The following ZYG11A variants were observed in gnomAD, a reference collection of about 807,000 sequenced individuals.
ZYG11A encodes protein zyg-11 homolog A.
In ZYG11A, 62 loss-of-function variants were observed where a neutral mutation model predicts 77.2. That is an observed-to-expected ratio of 0.80 (90% confidence interval 0.65 to 0.99). The LOEUF (loss-of-function observed/expected upper bound fraction) is 0.99. ZYG11A is among the 50% of genes least tolerant of loss of function. The pLI is 0.00. For missense variants in ZYG11A, 828 were observed against 896.8 expected, an observed-to-expected ratio of 0.92 and a Z score of 0.98; for synonymous variants, 315 against 324.6, an observed-to-expected ratio of 0.97 and a Z score of 0.32.
At chr1:52,887,257 A>C (rs1646468677) in intron 13 of ZYG11A, among the ~76,000 whole-genome samples, 1 of 152,188 alleles carries the variant, frequency 6.6e-6, no homozygotes, top group Non-Finnish European at 1.5e-5. Flanking sequence ...TAGCAAGCAA[A>C]ATAAAAAGTA....
chr1:52,856,680 G>C (rs943731189), intron 2 of ZYG11A, among the ~76,000 whole-genome samples: 3 of 150,282 alleles, frequency 2.0e-5, no homozygotes, highest in Non-Finnish European at 4.4e-5. Context: ...GGTTACTGTA[G>C]ATAAAATTTT....
At chr1:52,843,688 C>CTTTTTTTTTTTT (rs71044427) in intron 1 of ZYG11A, among the ~76,000 whole-genome samples, 1 of 130,516 alleles carries the variant, frequency 7.7e-6, no homozygotes, top group African/African-American at 3.0e-5. Flanking sequence ...TTCTTTCTTT[C>CTTTTTTTTTTTT]TTTTTTTTTT....
At chr1:52,854,721 A>G (rs1260644758) in intron 2 of ZYG11A, 91 bp downstream of exon 2, 1 of 1,245,430 alleles carries the variant, frequency 8.0e-7, no homozygotes, top group Non-Finnish European at 1.1e-6. Context: ...GATTCTCACA[A>G]AGTATTTCCA....
Position 52,881,541 on chromosome 1 carries a change from G to A in ZYG11A, c.1820G>A (p.Ser607Asn), listed in dbSNP as rs1229549473. Residue 607 changes from serine (S) to asparagine (N), a missense_variant, in exon 11 of 14, where the codon AGT becomes AAT. By Grantham distance (46) the Ser-to-Asn change is conservative. Coordinates refer to ENST00000371528, the MANE Select transcript of ZYG11A (RefSeq NM_001004339.3). Reference protein sequence around the residue: ...VTEDVLKHINSLLCSREMEVS... With the variant: ...VTEDVLKHINNLLCSREMEVS... ...GAAGATGTGCTGAAGCATATCAACA[G>A]TTTACTCTGTAGCAGGGAAATGGAA... The A allele has an allele frequency of 6.4e-7, 1 of 1,551,880 alleles. No individual in the cohort carries two copies. Among genetic ancestry groups the A allele is most frequent in the Non-Finnish European group, 8.7e-7 (1 of 1,147,078 alleles).
chr1:52,847,878 TTA>T (rs1491027662), intron 1 of ZYG11A, among the ~76,000 whole-genome samples: 7 of 48,970 alleles, frequency 1.4e-4, no homozygotes, highest in African/African-American at 3.8e-4. Flanking sequence ...ATTTATTTAT[TTA>T]TTTTTTTGAG....
Position 52,857,191 on chromosome 1 carries a change from C to A in ZYG11A, c.450C>A (p.Ser150Arg). 1 of 1,552,164 alleles carries A rather than the reference C, an allele frequency of 6.4e-7. No individual in the cohort carries two copies. Among genetic ancestry groups the A allele is most frequent in the African/African-American group, 1.4e-5 (1 of 73,174 alleles). ...PVPDIISGLC[S>R]NRWIQQNLQC... ...CAGACATCATAAGTGGACTCTGCAG[C>A]AATAGGTGGATCCAGCAAAACCTCC... The change falls in exon 3 of 14, where the codon AGC (serine) becomes AGA (arginine). Residue 150 changes from serine to arginine, a missense_variant. Transcript: ENST00000371528.
intron 11 of ZYG11A, among the ~76,000 whole-genome samples, chr1:52,885,146 G>T (rs1646426793): frequency 6.6e-6 from 1 of 151,990 alleles, no homozygotes; most frequent in Non-Finnish European, 1.5e-5. Flanking sequence ...CTGACCCCAG[G>T]TGATCTACCC....
intron 8 of ZYG11A, among the ~76,000 whole-genome samples, chr1:52,873,490 T>C (rs1646206310): frequency 6.6e-6 from 1 of 152,160 alleles, no homozygotes; most frequent in Non-Finnish European, 1.5e-5. Context: ...CCTGGAGATG[T>C]GACTGAATTG....
At chr1:52,847,551 A>G (rs1645614797) in intron 1 of ZYG11A, among the ~76,000 whole-genome samples, 1 of 150,812 alleles carries the variant, frequency 6.6e-6, no homozygotes, top group African/African-American at 2.4e-5. Context: ...AATATTTCTC[A>G]TAGCATATGA....
chr1:52,860,994 T>TG, intron 4 of ZYG11A, 123 bp downstream of exon 4: 2 of 940,338 alleles, frequency 2.1e-6, no homozygotes, highest in Non-Finnish European at 3.1e-6. Flanking sequence ...AGTGCTCTCA[T>TG]AGAGCAAAGA....
chr1:52,888,668 T>TAGGGGAACTAGTGTG (rs1646488275), intron 13 of ZYG11A, among the ~76,000 whole-genome samples: 1 of 152,144 alleles, frequency 6.6e-6, no homozygotes, highest in Non-Finnish European at 1.5e-5. Context: ...AGAAAAATGT[T>TAGGGGAACTAGTGTG]TTTTATGGGC....
At chr1:52,850,994 G>T (rs1645698793) in intron 1 of ZYG11A, among the ~76,000 whole-genome samples, 2 of 151,872 alleles carry the variant, frequency 1.3e-5, no homozygotes, top group Admixed American at 1.3e-4. Context: ...TGAACTTTAT[G>T]GATGCTACTT....
At chr1:52,848,273 A>C (rs548250334) in intron 1 of ZYG11A, among the ~76,000 whole-genome samples, 1 of 152,208 alleles carries the variant, frequency 6.6e-6, no homozygotes, top group East Asian at 1.9e-4. Context: ...AAGTGCTGGG[A>C]TTACAGGTGT....
intron 1 of ZYG11A, among the ~76,000 whole-genome samples, chr1:52,850,345 G>A (rs1399047937): frequency 6.7e-6 from 1 of 148,402 alleles, no homozygotes; most frequent in African/African-American, 2.5e-5. Flanking sequence ...TTGAGATGGA[G>A]TCTCATTCTG....
intron 1 of ZYG11A, among the ~76,000 whole-genome samples, chr1:52,849,203 G>A (rs2149986342): frequency 6.7e-6 from 1 of 148,532 alleles, no homozygotes; most frequent in Admixed American, 6.7e-5. Context: ...AGCTGGGATT[G>A]GGATTACAGG....
chr1:52,843,307 A>AGCGGGCT (rs1264678987), intron 1 of ZYG11A, among the ~76,000 whole-genome samples: 1 of 152,128 alleles, frequency 6.6e-6, no homozygotes, highest in African/African-American at 2.4e-5. Context: ...GGCTGCTGTG[A>AGCGGGCT]GCTTAGACGT....
intron 1 of ZYG11A, 64 bp from the exon 2 acceptor site, chr1:52,854,401 C>T (rs1645768731): frequency 7.0e-7 from 1 of 1,420,580 alleles, no homozygotes; most frequent in Non-Finnish European, 9.4e-7. Flanking sequence ...ATGGCATGAC[C>T]AGTTTTATGT....
intron 6 of ZYG11A, 83 bp from the exon 7 acceptor site, chr1:52,867,456 C>T (rs927251783): frequency 1.2e-5 from 11 of 911,318 alleles, no homozygotes; most frequent in African/African-American, 5.0e-5. Flanking sequence ...TATAGGATTA[C>T]TTGGGGAATG....
chr1:52,844,130 C>T (rs1459998384), intron 1 of ZYG11A, among the ~76,000 whole-genome samples: 1 of 152,134 alleles, frequency 6.6e-6, no homozygotes, highest in Non-Finnish European at 1.5e-5. Flanking sequence ...GGTGTTCAGA[C>T]CTCTGGCCCC....
Sources: gnomAD v4.1 joint callset for allele counts (sites outside exome capture counted in the v4.1 genomes callset) on GRCh38, gnomAD v4.1.1 for gene constraint, MANE v1.5 for transcripts, NCBI Gene and HGNC (gene_info 2026-07-23, HGNC 2026-07-21) for gene names.